CNTNAP2: variants seen among roughly 807,000 people sequenced by gnomAD.
CNTNAP2 encodes the protein contactin-associated protein-like 2.
In CNTNAP2, 98 loss-of-function variants were observed where a neutral mutation model predicts 155.2. That is an observed-to-expected ratio of 0.63 (90% CI 0.54 to 0.75). CNTNAP2 has a LOEUF of 0.75. Ranked by LOEUF, CNTNAP2 falls within the 30% of genes least tolerant of loss-of-function variation. CNTNAP2 has a pLI of 0.00. For synonymous variants in CNTNAP2, 651 were observed against 631.2 expected (o/e 1.03, Z -0.47); for missense variants, 1,727 against 1,688.1 (o/e 1.02, Z -0.40).
chr7:147,603,241 G>C (rs1057425916), intron 12 of CNTNAP2, among the ~76,000 whole-genome samples: 5 of 152,028 alleles, frequency 3.3e-5, no homozygotes, highest in African/African-American at 9.7e-5. Context: ...GGCCAGTGAT[G>C]ATGAGCATTT....
chr7:147,261,008 G>A (rs1006881745), intron 8 of CNTNAP2, among the ~76,000 whole-genome samples: 11 of 152,150 alleles, frequency 7.2e-5, no homozygotes, highest in African/African-American at 1.9e-4. Context: ...GGCAAAATCC[G>A]AGGCACAACC....
chr7:147,232,246 A>G (rs930900740), intron 8 of CNTNAP2, among the ~76,000 whole-genome samples: 21 of 152,362 alleles, frequency 1.4e-4, no homozygotes, highest in African/African-American at 4.8e-4. Flanking sequence ...AAATGTACAT[A>G]TAAACCACAG....
chr7:146,830,805 T>C (rs1228786057), intron 2 of CNTNAP2, among the ~76,000 whole-genome samples: 1 of 152,206 alleles, frequency 6.6e-6, no homozygotes, highest in East Asian at 1.9e-4. Context: ...TTCATAAGCA[T>C]GTCTTTCATG....
At chr7:147,785,381 A>G (rs1396086062) in intron 13 of CNTNAP2, among the ~76,000 whole-genome samples, 1 of 152,108 alleles carries the variant, frequency 6.6e-6, no homozygotes, top group Non-Finnish European at 1.5e-5. Context: ...GCCCAATAAG[A>G]TGAGAGCCAA....
intron 3 of CNTNAP2, among the ~76,000 whole-genome samples, chr7:146,990,348 A>G (rs892709601): frequency 6.6e-6 from 1 of 152,156 alleles, no homozygotes; most frequent in South Asian, 2.1e-4. Context: ...TGAGACTCTC[A>G]CATGTATTAC....
intron 4 of CNTNAP2, among the ~76,000 whole-genome samples, chr7:147,067,584 A>G (rs573463116): frequency 1.3e-5 from 2 of 152,332 alleles, no homozygotes; most frequent in South Asian, 2.1e-4. Flanking sequence ...CCTGTCCGAC[A>G]TTAATTCAGG....
At chr7:148,122,090 A>G (rs989975952) in intron 16 of CNTNAP2, among the ~76,000 whole-genome samples, 2 of 152,202 alleles carry the variant, frequency 1.3e-5, no homozygotes, top group Non-Finnish European at 2.9e-5. Context: ...TACGTGAATC[A>G]TCTCACACTC....
At chr7:146,902,282 A>C (rs6946957) in intron 3 of CNTNAP2, among the ~76,000 whole-genome samples, 111,112 of 151,972 alleles carry the variant, frequency 0.73, 41,766 homozygotes, top group African/African-American at 0.91. Context: ...TGAACTACTC[A>C]TAATTTCTCA....
chr7:147,191,935 T>C (rs985785232), intron 8 of CNTNAP2, among the ~76,000 whole-genome samples: 8 of 152,206 alleles, frequency 5.3e-5, no homozygotes, highest in African/African-American at 1.9e-4. Flanking sequence ...CTGTCCTGTT[T>C]GTAAGCTACG....
rs552395995 is a variant in CNTNAP2 at position 147,887,916 on chromosome 7, G to A, written c.2099-15649G>A. 3.3e-5 allele frequency among the ~76,000 whole-genome samples: 5 copies of A among 152,308 alleles called. No homozygotes were observed. In the South Asian group the frequency reaches 8.3e-4, roughly 25 times the overall value. Reference sequence around the variant, plus strand: ...TGCATGTTTACAGCCTAACTTCACAGCATTTGAATGGTTGGAGAAAACTCA... The same window carrying A: ...TGCATGTTTACAGCCTAACTTCACAACATTTGAATGGTTGGAGAAAACTCA... On this transcript the variant is annotated intron_variant, in intron 13 of 23. Transcript: ENST00000361727.
chr7:147,478,093 CT>C (rs1447366606), intron 10 of CNTNAP2, among the ~76,000 whole-genome samples: 1 of 151,838 alleles, frequency 6.6e-6, no homozygotes, highest in Admixed American at 6.6e-5. Context: ...AGTAGAGGAA[CT>C]GCAGTCCTAT....
intron 2 of CNTNAP2, among the ~76,000 whole-genome samples, chr7:146,774,828 C>T (rs73740860): frequency 0.012 from 1,901 of 152,152 alleles, 45 homozygotes; most frequent in African/African-American, 0.043. Flanking sequence ...ATTTTTCCTC[C>T]GGTACCCAGA....
intron 1 of CNTNAP2, among the ~76,000 whole-genome samples, chr7:146,270,789 G>A (rs923580139): frequency 2.0e-5 from 3 of 151,768 alleles, no homozygotes; most frequent in Non-Finnish European, 4.4e-5. Context: ...TTTAATTGTC[G>A]ATAAAAAGCA....
Position 147,691,235 on chromosome 7 carries a change from T to C in CNTNAP2, c.2098+51929T>C, listed in dbSNP as rs185189806. 2.2e-4 allele frequency among the ~76,000 whole-genome samples: 33 copies of C among 152,302 alleles called. 1 individual carries two copies. Among genetic ancestry groups the C allele is most frequent in the Admixed American group, 1.8e-3 (27 of 15,282 alleles). The stretch of plus-strand genomic sequence containing the variant: ...TCTCAATTTTTTGTACTATTCTATA[T>C]GTAATGACTGTAGGCACAACACACT... On this transcript the variant is annotated intron_variant, in intron 13 of 23. Transcript: ENST00000361727.
chr7:147,430,987 G>A (rs994365193), intron 10 of CNTNAP2, among the ~76,000 whole-genome samples: 1 of 151,454 alleles, frequency 6.6e-6, no homozygotes, highest in South Asian at 2.1e-4. Context: ...GGCGGAGCTT[G>A]CAGTAAGCCG....
rs1798992142 is a variant in CNTNAP2, at chr7:148,378,406, A to G, written c.3476-5243A>G. Among the ~76,000 whole-genome samples the G allele has an allele frequency of 3.0e-5, 2 of 66,746 alleles. 1 individual carries two copies. 43.8% of individuals were successfully genotyped at this position (66,746 alleles called of 152,430 possible). A position where few individuals can be genotyped will look rare whatever the true frequency, so the allele number is the denominator to read the frequency against. ...AATAGTACAGAGGCTCTAAGGCAGA[A>G]CATCCAGGGACTTAGAGAGACGTCA... On this transcript the variant is annotated intron_variant, in intron 21 of 23. Transcript: ENST00000361727.
At chr7:148,066,410 G>A (rs1387730395) in intron 15 of CNTNAP2, among the ~76,000 whole-genome samples, 1 of 152,108 alleles carries the variant, frequency 6.6e-6, no homozygotes, top group South Asian at 2.1e-4. Flanking sequence ...TCTTCCTTGG[G>A]AACACCAGTT....
intron 4 of CNTNAP2, among the ~76,000 whole-genome samples, chr7:147,065,936 A>G (rs1169387118): frequency 6.6e-6 from 1 of 152,206 alleles, no homozygotes; most frequent in African/African-American, 2.4e-5. Context: ...TTTTCTCATG[A>G]AGTTGACTCA....
At chr7:146,977,464 A>C (rs1413571061) in intron 3 of CNTNAP2, among the ~76,000 whole-genome samples, 1 of 152,216 alleles carries the variant, frequency 6.6e-6, no homozygotes, top group Middle Eastern at 3.4e-3. Flanking sequence ...GTTTTGGAAG[A>C]CTCTCAGGAG....
Sources: gnomAD v4.1 joint callset for allele counts (sites outside exome capture counted in the v4.1 genomes callset) on GRCh38, gnomAD v4.1.1 for gene constraint, MANE v1.5 for transcripts, NCBI Gene and HGNC (gene_info 2026-07-23, HGNC 2026-07-21) for gene names.